Variants in BRINP3 observed in about 807,000 individuals in gnomAD.
BRINP3 encodes the protein BMP/retinoic acid-inducible neural-specific protein 3.
A neutral mutation model predicts 71.0 loss-of-function variants in BRINP3; 19 were observed. That is an observed-to-expected ratio of 0.27 (90% CI 0.19 to 0.39). The LOEUF (loss-of-function observed/expected upper bound fraction) is 0.39. Ranked by LOEUF, BRINP3 falls within the 10% of genes least tolerant of loss-of-function variation. BRINP3 has a pLI of 1.00. For missense variants in BRINP3, 959 were observed against 940.8 expected, an observed-to-expected ratio of 1.02 and a Z score of -0.25; for synonymous variants, 380 against 337.7, an observed-to-expected ratio of 1.13 and a Z score of -1.37.
chr1:190,141,415 G>A (rs1655419893), intron 7 of BRINP3, among the ~76,000 whole-genome samples: 1 of 151,930 alleles, frequency 6.6e-6, no homozygotes, highest in African/African-American at 2.4e-5. Context: ...GTGTAGTCAA[G>A]AAGACACTGC....
At chr1:190,146,648 A>G (rs1655914641) in intron 7 of BRINP3, among the ~76,000 whole-genome samples, 1 of 152,146 alleles carries the variant, frequency 6.6e-6, no homozygotes, top group African/African-American at 2.4e-5. Flanking sequence ...CTGAAGTCAA[A>G]AGAGATTAAG....
At chr1:190,365,621 T>C (rs1306278639) in intron 2 of BRINP3, among the ~76,000 whole-genome samples, 2 of 146,488 alleles carry the variant, frequency 1.4e-5, no homozygotes, top group South Asian at 2.1e-4. Flanking sequence ...AATATATTAA[T>C]ATATTTTATA....
At chr1:190,395,783 T>C (rs2102328829) in intron 2 of BRINP3, among the ~76,000 whole-genome samples, 2 of 151,914 alleles carry the variant, frequency 1.3e-5, no homozygotes, top group South Asian at 4.1e-4. Context: ...TATTCAGTTG[T>C]AGGAACTTCC....
rs545510714 is a variant in BRINP3, at chr1:190,229,556, A to G, written c.725-3238T>C. ...TGCCCAGAACAAAGTACAAATTGAC[A>G]TTTATACCAACCATGACAGAGATAG... On this transcript the variant is annotated intron_variant, in intron 5 of 7. Transcript: ENST00000367462. 3.9e-5 allele frequency among the ~76,000 whole-genome samples: 6 copies of G among 151,930 alleles called. No homozygotes were observed. The East Asian group carries it at 7.8e-4, about 20-fold the overall frequency.
intron 2 of BRINP3, among the ~76,000 whole-genome samples, chr1:190,382,634 C>T (rs915638086): frequency 6.6e-6 from 1 of 152,152 alleles, no homozygotes; most frequent in South Asian, 2.1e-4. Context: ...TTTTCTCCTT[C>T]CAGAATATGC....
intron 6 of BRINP3, among the ~76,000 whole-genome samples, chr1:190,162,127 T>G (rs563088317): frequency 6.6e-6 from 1 of 151,970 alleles, no homozygotes; most frequent in African/African-American, 2.4e-5. Flanking sequence ...GAAAACATTT[T>G]ATAGGGCGTA....
intron 6 of BRINP3, among the ~76,000 whole-genome samples, chr1:190,172,591 T>A (rs1029505188): frequency 2.0e-5 from 3 of 152,194 alleles, no homozygotes; most frequent in African/African-American, 7.2e-5. Flanking sequence ...CTGTGCTAAC[T>A]TGTTTATTAT....
intron 2 of BRINP3, among the ~76,000 whole-genome samples, chr1:190,307,002 G>T (rs181864304): frequency 6.6e-6 from 1 of 151,776 alleles, no homozygotes; most frequent in East Asian, 1.9e-4. Context: ...CATGAAACTC[G>T]TGTAGTTCTG....
chr1:190,336,652 G>T (rs940078361), intron 2 of BRINP3, among the ~76,000 whole-genome samples: 6 of 152,050 alleles, frequency 3.9e-5, no homozygotes, highest in Admixed American at 2.0e-4. Flanking sequence ...TAAAACTGGT[G>T]TAGACAAAAT....
At chr1:190,311,008 T>C (rs1420677004) in intron 2 of BRINP3, among the ~76,000 whole-genome samples, 2 of 151,650 alleles carry the variant, frequency 1.3e-5, no homozygotes, top group African/African-American at 2.4e-5. Context: ...GATAAATCAT[T>C]ATTGAATGCT....
At chr1:190,163,861 A>G (rs1651238559) in intron 6 of BRINP3, among the ~76,000 whole-genome samples, 1 of 152,124 alleles carries the variant, frequency 6.6e-6, no homozygotes, top group African/African-American at 2.4e-5. Context: ...TTTGAAACTA[A>G]TAGCTATAAA....
At chr1:190,196,712 A>G (rs1654512173) in intron 6 of BRINP3, among the ~76,000 whole-genome samples, 1 of 151,828 alleles carries the variant, frequency 6.6e-6, no homozygotes, top group Non-Finnish European at 1.5e-5. Flanking sequence ...GAAAATTTTC[A>G]TGAAAAATTA....
chr1:190,153,152 G>C (rs903816455), intron 7 of BRINP3, among the ~76,000 whole-genome samples: 2 of 152,064 alleles, frequency 1.3e-5, no homozygotes, highest in Non-Finnish European at 2.9e-5. Context: ...GTACATGCAC[G>C]ATTTTTTTTC....
At chr1:190,186,592 T>C (rs1465152547) in intron 6 of BRINP3, among the ~76,000 whole-genome samples, 2 of 152,162 alleles carry the variant, frequency 1.3e-5, no homozygotes, top group African/African-American at 2.4e-5. Flanking sequence ...TATTCATTCA[T>C]TCTGTTTCCT....
intron 6 of BRINP3, among the ~76,000 whole-genome samples, chr1:190,162,936 T>C (rs1280189506): frequency 6.6e-6 from 1 of 152,104 alleles, no homozygotes; most frequent in African/African-American, 2.4e-5. Context: ...TACATACAGA[T>C]GTTTCAATCT....
At chr1:190,324,815 G>A (rs1043120185) in intron 2 of BRINP3, among the ~76,000 whole-genome samples, 4 of 151,888 alleles carry the variant, frequency 2.6e-5, no homozygotes, top group East Asian at 3.9e-4. Context: ...TAAATTACCC[G>A]TAATTAATTG....
chr1:190,338,659 A>G (rs1404874614), intron 2 of BRINP3, among the ~76,000 whole-genome samples: 9 of 152,006 alleles, frequency 5.9e-5, no homozygotes, highest in Non-Finnish European at 1.0e-4. Flanking sequence ...TCAATTTATA[A>G]TAAAATTGCT....
chr1:190,372,806 C>A (rs571250974), intron 2 of BRINP3, among the ~76,000 whole-genome samples: 1 of 152,074 alleles, frequency 6.6e-6, no homozygotes, highest in Non-Finnish European at 1.5e-5. Flanking sequence ...CATCTAAATT[C>A]TTTTTTATCA....
intron 4 of BRINP3, among the ~76,000 whole-genome samples, chr1:190,236,997 T>G (rs188269087): frequency 6.6e-6 from 1 of 151,868 alleles, no homozygotes; most frequent in Non-Finnish European, 1.5e-5. Flanking sequence ...TAACACTTCA[T>G]CCTTAAAAGA....
Sources: allele counts gnomAD v4.1 joint callset (sites outside exome capture counted in the v4.1 genomes callset), GRCh38; gene constraint gnomAD v4.1.1; transcripts MANE v1.5; gene names NCBI Gene and HGNC (gene_info 2026-07-23, HGNC 2026-07-21).